Variants in GTF2F2 observed in about 807,000 individuals in gnomAD.
GTF2F2 encodes the protein general transcription factor IIF subunit 2, also known as ATP-dependent helicase GTF2F2.
A neutral mutation model predicts 42.2 loss-of-function variants in GTF2F2; 23 were observed. The ratio of observed to expected loss-of-function variants is 0.55; its 90% CI spans 0.39 to 0.77. GTF2F2 has a LOEUF of 0.77. GTF2F2 is among the 30% of genes least tolerant of loss of function. The pLI is 0.00. For synonymous variants in GTF2F2, 105 were observed against 100.8 expected, an observed-to-expected ratio of 1.04 and a Z score of -0.25; for missense variants, 261 against 287.2, an observed-to-expected ratio of 0.91 and a Z score of 0.66.
chr13:45,281,470 A>G (rs941021900), intron 7 of GTF2F2, among the ~76,000 whole-genome samples: 5 of 152,270 alleles, frequency 3.3e-5, no homozygotes, highest in African/African-American at 1.2e-4. Flanking sequence ...TGAGGCTCAG[A>G]GAACGAAGCA....
intron 4 of GTF2F2, among the ~76,000 whole-genome samples, chr13:45,197,329 T>C (rs1271673925): frequency 2.0e-4 from 28 of 143,176 alleles, no homozygotes; most frequent in African/African-American, 6.9e-4. Flanking sequence ...AAATCCTTTG[T>C]CTACCAAAAA....
At chr13:45,149,489 T>A (rs1227312773) in intron 2 of GTF2F2, among the ~76,000 whole-genome samples, 1 of 148,292 alleles carries the variant, frequency 6.7e-6, no homozygotes, top group Non-Finnish European at 1.5e-5. Context: ...AGAATTGTAA[T>A]AAGATCATTA....
At position 45,267,235 on chromosome 13, in the gene GTF2F2, C is replaced by T. The variant is rs567400838; in HGVS notation, c.489C>T (p.Ile163=). The change falls in exon 7 of 8, where the codon ATC becomes ATT. Residue 163 remains isoleucine (I), a splice_region_variant and synonymous_variant. Coordinates refer to ENST00000340473, the MANE Select transcript of GTF2F2 (RefSeq NM_004128.3). ...YKPVANHQYN[I]EYERKKKEDG... ...TTTCCTTTGCTGTTTGCATATAGAT[C>T]GAATATGAAAGGAAAAAGAAAGAAG... is the stretch of plus-strand genomic sequence containing the variant. 6.8e-6 allele frequency: 11 copies of T among 1,609,186 alleles called. No individual in the cohort carries two copies. In the East Asian group the frequency reaches 8.9e-5, roughly 13 times the overall value.
At chr13:45,276,340 C>T (rs1877033841) in intron 7 of GTF2F2, among the ~76,000 whole-genome samples, 1 of 152,104 alleles carries the variant, frequency 6.6e-6, no homozygotes, top group Admixed American at 6.6e-5. Context: ...TGAACATTTG[C>T]CTACAAATTT....
chr13:45,166,327 C>G (rs1871296332), intron 4 of GTF2F2, among the ~76,000 whole-genome samples: 1 of 152,076 alleles, frequency 6.6e-6, no homozygotes, highest in South Asian at 2.1e-4. Context: ...CAGAAGTCAC[C>G]ATGGATTGCA....
At chr13:45,272,766 G>A (rs1857684428) in intron 7 of GTF2F2, among the ~76,000 whole-genome samples, 1 of 146,884 alleles carries the variant, frequency 6.8e-6, no homozygotes, top group Non-Finnish European at 1.5e-5. Context: ...AAAGAGACAA[G>A]GTCTCCTGCT....
rs192219118 is a variant in GTF2F2, at chr13:45,246,853, C to T, written c.387-6018C>T. On this transcript the variant is annotated intron_variant, in intron 5 of 7. Coordinates refer to ENST00000340473, the MANE Select transcript of GTF2F2 (RefSeq NM_004128.3). ...GAGCTCTAGACCATCCTGGCTAACA[C>T]GGTGAAACCCCGTCTCTACTAAAAA... Among the ~76,000 whole-genome samples, 62 of 151,266 alleles carry T rather than the reference C, an allele frequency of 4.1e-4. No homozygotes were observed. The Middle Eastern group carries it at 0.01, about 25-fold the overall frequency.
intron 4 of GTF2F2, among the ~76,000 whole-genome samples, chr13:45,182,254 A>G (rs891760499): frequency 6.6e-6 from 1 of 151,982 alleles, no homozygotes; most frequent in Non-Finnish European, 1.5e-5. Flanking sequence ...GGGCTCAAGC[A>G]ATTCTCCTGC....
At chr13:45,274,202 A>G (rs908598610) in intron 7 of GTF2F2, among the ~76,000 whole-genome samples, 1 of 152,010 alleles carries the variant, frequency 6.6e-6, no homozygotes, top group African/African-American at 2.4e-5. Context: ...TGTTTATTGG[A>G]TATATTACAT....
intron 1 of GTF2F2, among the ~76,000 whole-genome samples, chr13:45,122,381 A>G (rs1411657099): frequency 1.3e-5 from 2 of 152,146 alleles, no homozygotes; most frequent in Non-Finnish European, 2.9e-5. Context: ...CACGCCTGTA[A>G]TCTCAGCACT....
rs1225266745 is a variant in GTF2F2, at chr13:45,262,856, T to C, written c.487-4377T>C. ...ACTTCTTGGGCTCAAGTAATCCTCC[T>C]GCCTTAGCCTCCTGAGTGGCTGGGA... On this transcript the variant is annotated intron_variant, in intron 6 of 7. Transcript: ENST00000340473. Among the ~76,000 whole-genome samples the C allele has an allele frequency of 2.6e-4, 40 of 152,168 alleles. 1 individual carries two copies. The highest frequency in any genetic ancestry group is 2.6e-3 in the Admixed American group (40 of 15,274).
At position 45,160,046 on chromosome 13, in the gene GTF2F2, A is replaced by T. The variant is rs189940551; in HGVS notation, c.304+8215A>T. On this transcript the variant is annotated intron_variant, in intron 4 of 7. Coordinates refer to ENST00000340473, the MANE Select transcript of GTF2F2 (RefSeq NM_004128.3). ...TTCTGAGGCTTTATTTACCTTATCT[A>T]TCATAATTTAATTACTGTTGTCACT... 4.2e-3 allele frequency among the ~76,000 whole-genome samples: 642 copies of T among 152,310 alleles called. 5 individuals carry two copies. Among genetic ancestry groups the T allele is most frequent in the Middle Eastern group, 0.017 (5 of 294 alleles).
chr13:45,191,090 G>A (rs1233722152), intron 4 of GTF2F2, among the ~76,000 whole-genome samples: 3 of 150,406 alleles, frequency 2.0e-5, no homozygotes, highest in East Asian at 1.9e-4. Context: ...AGTAAAAGCC[G>A]GCCGGGCGCA....
intron 5 of GTF2F2, among the ~76,000 whole-genome samples, chr13:45,247,861 T>G (rs1175671486): frequency 2.0e-5 from 3 of 152,192 alleles, no homozygotes; most frequent in Non-Finnish European, 4.4e-5. Context: ...TCATTTGTTT[T>G]TGAGATGGAA....
intron 7 of GTF2F2, 29 bp from the exon 8 acceptor site, chr13:45,283,413 A>AT: frequency 6.3e-7 from 1 of 1,586,520 alleles, no homozygotes; most frequent in Admixed American, 1.8e-5. Flanking sequence ...TTATAATCTC[A>AT]TTTGTTAGGG....
intron 6 of GTF2F2, among the ~76,000 whole-genome samples, chr13:45,265,104 C>T (rs1348095981): frequency 1.3e-5 from 2 of 151,922 alleles, no homozygotes; most frequent in African/African-American, 4.8e-5. Flanking sequence ...ACTAAAAATA[C>T]AAAAATTAGC....
At chr13:45,163,251 A>G (rs1301980111) in intron 4 of GTF2F2, among the ~76,000 whole-genome samples, 1 of 152,110 alleles carries the variant, frequency 6.6e-6, no homozygotes, top group African/African-American at 2.4e-5. Context: ...GTTTTGATTC[A>G]TTGTATACTT....
chr13:45,260,815 C>A (rs1209737103), intron 6 of GTF2F2, among the ~76,000 whole-genome samples: 1 of 151,924 alleles, frequency 6.6e-6, no homozygotes, highest in Non-Finnish European at 1.5e-5. Flanking sequence ...AGTTTGAGAC[C>A]AGCCTTGAGT....
At chr13:45,278,858 C>T (rs1457191432) in intron 7 of GTF2F2, among the ~76,000 whole-genome samples, 1 of 102,426 alleles carries the variant, frequency 9.8e-6, no homozygotes, top group Non-Finnish European at 1.8e-5. Flanking sequence ...GAATCTTGCT[C>T]TGTTGCCCAT....
Sources: gnomAD v4.1 joint callset for allele counts (sites outside exome capture counted in the v4.1 genomes callset) on GRCh38, gnomAD v4.1.1 for gene constraint, MANE v1.5 for transcripts, NCBI Gene and HGNC (gene_info 2026-07-23, HGNC 2026-07-21) for gene names.